Variants in SGMS1 observed in about 807,000 individuals in gnomAD.
The protein encoded by SGMS1 is sphingomyelin synthase 1, also known as phosphatidylcholine:ceramide cholinephosphotransferase 1.
Under a neutral mutation model 46.2 loss-of-function variants are expected in SGMS1, and 13 were observed. That is an observed-to-expected ratio of 0.28 (90% CI 0.18 to 0.45). The LOEUF (loss-of-function observed/expected upper bound fraction) is 0.45, where lower values mean the gene tolerates loss of function less well. Ranked by LOEUF, SGMS1 falls within the 20% of genes least tolerant of loss-of-function variation. The probability of loss-of-function intolerance (pLI) is 1.00; values close to 1 mark genes in which losing one functional copy is unlikely to be tolerated. For synonymous variants in SGMS1, 203 were observed against 187.8 expected, an observed-to-expected ratio of 1.08 and a Z score of -0.66; for missense variants, 324 against 519.9, an observed-to-expected ratio of 0.62 and a Z score of 3.66.
chr10:50,355,788 T>G (rs1848134564), intron 6 of SGMS1, among the ~76,000 whole-genome samples: 1 of 136,966 alleles, frequency 7.3e-6, no homozygotes, highest in South Asian at 2.3e-4. Flanking sequence ...GGGAAGTGAG[T>G]AGCGCCTCTT....
chr10:50,572,923 T>A (rs1438042520), intron 2 of SGMS1, among the ~76,000 whole-genome samples: 4 of 152,180 alleles, frequency 2.6e-5, no homozygotes, highest in African/African-American at 7.2e-5. Context: ...GAACTTTCTG[T>A]CCCTATTATC....
rs1012538752 is a variant in SGMS1, at chr10:50,360,111, A to C, written c.-231-15766T>G. Among the ~76,000 whole-genome samples, 3 of 152,338 alleles carry C rather than the reference A, an allele frequency of 2.0e-5. 1 individual carries two copies. Among genetic ancestry groups the C allele is most frequent in the Middle Eastern group, 6.8e-3 (2 of 294 alleles). On this transcript the variant is annotated intron_variant, in intron 6 of 10. Coordinates refer to ENST00000361781, the MANE Select transcript of SGMS1 (RefSeq NM_147156.4). ...TGTTTCCTTCATTAGCTTTCTTAAAAAATATAAAATGAGCTTGCAGATTTC... is the reference window on the plus strand; with the variant it reads ...TGTTTCCTTCATTAGCTTTCTTAAACAATATAAAATGAGCTTGCAGATTTC...
At chr10:50,431,055 G>A (rs1018833453) in intron 6 of SGMS1, among the ~76,000 whole-genome samples, 3 of 152,110 alleles carry the variant, frequency 2.0e-5, no homozygotes, top group African/African-American at 7.2e-5. Context: ...TAAGAGAGAT[G>A]ATAATATAAG....
At chr10:50,503,197 T>C (rs995931248) in intron 3 of SGMS1, among the ~76,000 whole-genome samples, 1 of 152,182 alleles carries the variant, frequency 6.6e-6, no homozygotes, top group Non-Finnish European at 1.5e-5. Flanking sequence ...GATGGGGAAA[T>C]GATTACTTAC....
chr10:50,401,591 A>G (rs1021865365), intron 6 of SGMS1, among the ~76,000 whole-genome samples: 1 of 152,190 alleles, frequency 6.6e-6, no homozygotes, highest in African/African-American at 2.4e-5. Flanking sequence ...CTCCTTCAAA[A>G]GGTCTATATG....
intron 2 of SGMS1, among the ~76,000 whole-genome samples, chr10:50,559,500 A>G (rs1327933042): frequency 6.6e-6 from 1 of 152,256 alleles, no homozygotes; most frequent in Non-Finnish European, 1.5e-5. Flanking sequence ...CTCTGGACAC[A>G]GAAGATCTAT....
At chr10:50,592,888 C>G (rs1442271231) in intron 1 of SGMS1, among the ~76,000 whole-genome samples, 1 of 119,602 alleles carries the variant, frequency 8.4e-6, no homozygotes, top group African/African-American at 2.7e-5. Flanking sequence ...TTTAAAAGTG[C>G]GTTTAACTGT....
At chr10:50,437,637 A>G (rs974479373) in intron 5 of SGMS1, among the ~76,000 whole-genome samples, 4 of 152,220 alleles carry the variant, frequency 2.6e-5, no homozygotes, top group Non-Finnish European at 4.4e-5. Context: ...GGAAGATAAC[A>G]CAAGAGTTAC....
At chr10:50,542,589 A>G (rs1283486792) in intron 2 of SGMS1, among the ~76,000 whole-genome samples, 1 of 151,594 alleles carries the variant, frequency 6.6e-6, no homozygotes, top group Non-Finnish European at 1.5e-5. Flanking sequence ...GCAAACTACC[A>G]TAAAGAAAAG....
At chr10:50,454,050 CAAAAA>C (rs71846628) in intron 5 of SGMS1, among the ~76,000 whole-genome samples, 21 of 98,000 alleles carry the variant, frequency 2.1e-4, no homozygotes, top group Non-Finnish European at 3.2e-4. Flanking sequence ...TTTACATAGG[CAAAAA>C]AAAAAAAAAA....
intron 4 of SGMS1, among the ~76,000 whole-genome samples, chr10:50,465,776 C>T (rs990280625): frequency 6.6e-6 from 1 of 151,470 alleles, no homozygotes; most frequent in Non-Finnish European, 1.5e-5. Context: ...AGGACAAAAA[C>T]AACAAAAAGT....
intron 6 of SGMS1, among the ~76,000 whole-genome samples, chr10:50,347,035 T>C (rs868163958): frequency 2.0e-5 from 3 of 152,174 alleles, no homozygotes; most frequent in Non-Finnish European, 2.9e-5. Context: ...GTGGCAATAA[T>C]AGCTTTTAAA....
chr10:50,370,801 T>A (rs1233897276), intron 6 of SGMS1, among the ~76,000 whole-genome samples: 1 of 150,720 alleles, frequency 6.6e-6, no homozygotes, highest in Non-Finnish European at 1.5e-5. Flanking sequence ...AGGGTCAGGA[T>A]CATCAATATT....
chr10:50,540,334 T>TA (rs368345888), intron 2 of SGMS1, among the ~76,000 whole-genome samples: 196 of 149,994 alleles, frequency 1.3e-3, no homozygotes, highest in African/African-American at 4.1e-3. Flanking sequence ...GTCTGGCAGG[T>TA]AAAAAAAAAT....
intron 2 of SGMS1, among the ~76,000 whole-genome samples, chr10:50,548,810 C>T (rs1838123674): frequency 6.6e-6 from 1 of 152,066 alleles, no homozygotes; most frequent in South Asian, 2.1e-4. Context: ...ATCTATCCAA[C>T]TGACAAATGT....
chr10:50,563,704 C>T (rs1277897238), intron 2 of SGMS1, among the ~76,000 whole-genome samples: 1 of 132,030 alleles, frequency 7.6e-6, no homozygotes, highest in Non-Finnish European at 1.6e-5. Context: ...GATCCCGCCA[C>T]TGCACTCCAG....
chr10:50,575,244 C>T (rs912724081), intron 2 of SGMS1, among the ~76,000 whole-genome samples: 1 of 152,018 alleles, frequency 6.6e-6, no homozygotes, highest in Non-Finnish European at 1.5e-5. Flanking sequence ...AGACATTATG[C>T]ACTTAAAAAT....
At chr10:50,491,328 G>C (rs1837566166) in intron 3 of SGMS1, among the ~76,000 whole-genome samples, 1 of 152,130 alleles carries the variant, frequency 6.6e-6, no homozygotes, top group South Asian at 2.1e-4. Context: ...ACTCTAGCCT[G>C]GGTGACAGAG....
At chr10:50,466,965 T>A (rs1055094267) in intron 3 of SGMS1, 33 bp from the exon 4 acceptor site, 3 of 152,194 alleles carry the variant, frequency 2.0e-5, no homozygotes, top group Non-Finnish European at 4.4e-5. Context: ...TAAAGTGCAT[T>A]CTTTGTGCAA....
Sources: allele counts gnomAD v4.1 joint callset (sites outside exome capture counted in the v4.1 genomes callset), GRCh38; gene constraint gnomAD v4.1.1; transcripts MANE v1.5; gene names NCBI Gene and HGNC (gene_info 2026-07-23, HGNC 2026-07-21).